PHEX: variants seen among roughly 807,000 people sequenced by gnomAD.
The protein encoded by PHEX is phosphate regulating endopeptidase X-linked, also known as phosphate-regulating neutral endopeptidase PHEX.
Under a neutral mutation model 68.0 loss-of-function variants are expected in PHEX, and 16 were observed. That is an observed-to-expected ratio of 0.24 (90% CI 0.16 to 0.36). PHEX has a LOEUF of 0.36. Among genes scored for constraint, PHEX ranks in the 10% least tolerant of loss-of-function variants. The probability of loss-of-function intolerance (pLI) is 1.00; values close to 1 mark genes in which losing one functional copy is unlikely to be tolerated. For synonymous variants in PHEX, 208 were observed against 205.1 expected, an observed-to-expected ratio of 1.01 and a Z score of -0.12; for missense variants, 480 against 575.5, an observed-to-expected ratio of 0.83 and a Z score of 1.70.
At chrX:22,178,419 T>C in intron 14 of PHEX, 43 bp downstream of exon 14, 2 of 794,891 alleles carry the variant, frequency 2.5e-6, no homozygotes, top group Non-Finnish European at 3.8e-6. Flanking sequence ...AATACATTGG[T>C]GAGAAGCGGA....
At chrX:22,111,627 T>G (rs898938427) in intron 10 of PHEX, 67 bp downstream of exon 10, 1 of 799,363 alleles carries the variant, frequency 1.3e-6, no homozygotes, top group Non-Finnish European at 1.9e-6. Context: ...GTCCATATAT[T>G]AACTGATCCA....
At chrX:22,233,522 T>C (rs1935845751) in intron 20 of PHEX, among the ~76,000 whole-genome samples, 1 of 111,441 alleles carries the variant, frequency 9.0e-6, no homozygotes, top group Non-Finnish European at 1.9e-5. Context: ...TCACTCCTTC[T>C]TCTCTAATCT....
In PHEX at chrX:22,249,453, A is replaced by ATATAT. The variant is rs1222771440; in HGVS notation, c.*1500_*1501insTATAT. 8 of 28,035 alleles carry ATATAT rather than the reference A, an allele frequency of 2.9e-4. No individual in the cohort carries two copies. In the South Asian group the frequency reaches 4.4e-3, roughly 15 times the overall value. 2.3% of individuals were successfully genotyped at this position (28,035 alleles called of 1,213,427 possible). On this transcript the variant is annotated 3_prime_UTR_variant, in exon 22 of 22. Transcript: ENST00000379374. The stretch of plus-strand genomic sequence containing the variant: ...ATTTGTGATTCTTTTAAAAAAAAAA[A>ATATAT]AAATATATATATATATATATATATA...
At position 22,133,643 on chromosome X, in the gene PHEX, G is replaced by C. The variant is rs1932111765; in HGVS notation, c.1404+19G>C. ...AGAAAAGGTAAGGATTCCTTTTGAT[G>C]AAAAAAAAATAAGACTTCTGGTTTA... On this transcript the variant is annotated intron_variant, in intron 12 of 21. Transcript: ENST00000379374. The C allele has an allele frequency of 2.8e-6, 3 of 1,080,985 alleles. No homozygotes were observed. Among genetic ancestry groups the C allele is most frequent in the Non-Finnish European group, 3.8e-6 (3 of 784,920 alleles). 89.1% of individuals were successfully genotyped at this position (1,080,985 alleles called of 1,213,427 possible). A position where few individuals can be genotyped will look rare whatever the true frequency, so the allele number is the denominator to read the frequency against.
At chrX:22,194,065 G>A (rs1281685150) in intron 15 of PHEX, among the ~76,000 whole-genome samples, 1 of 111,568 alleles carries the variant, frequency 9.0e-6, no homozygotes, top group Non-Finnish European at 1.9e-5. Context: ...CCATCTCCAG[G>A]GTTCACCCCT....
chrX:22,168,095 C>G (rs1286458158), intron 12 of PHEX, among the ~76,000 whole-genome samples: 1 of 111,268 alleles, frequency 9.0e-6, no homozygotes, highest in Non-Finnish European at 1.9e-5. Context: ...ATTTTGTTTA[C>G]ATTGTACTAG....
At chrX:22,102,823 C>T (rs1043980590) in intron 9 of PHEX, among the ~76,000 whole-genome samples, 5 of 112,090 alleles carry the variant, frequency 4.5e-5, no homozygotes, top group African/African-American at 1.6e-4. Context: ...AGGATCCCCC[C>T]ACCTCCTACC....
At chrX:22,072,097 G>A (rs995885062) in intron 3 of PHEX, among the ~76,000 whole-genome samples, 5 of 112,472 alleles carry the variant, frequency 4.4e-5, no homozygotes, top group East Asian at 5.6e-4. Flanking sequence ...GCATGGTGGC[G>A]CATGCCTGTA....
chrX:22,148,680 C>G (rs1460082360), intron 12 of PHEX, among the ~76,000 whole-genome samples: 1 of 111,376 alleles, frequency 9.0e-6, no homozygotes, highest in Non-Finnish European at 1.9e-5. Flanking sequence ...TTTCTACTCT[C>G]TGTTTCTATG....
intron 20 of PHEX, among the ~76,000 whole-genome samples, chrX:22,230,704 A>ACAAT (rs776181528): frequency 4.9e-4 from 54 of 111,045 alleles, no homozygotes; most frequent in East Asian, 8.5e-4. Context: ...TTCTTAATAT[A>ACAAT]CAATCATGTC....
intron 11 of PHEX, among the ~76,000 whole-genome samples, chrX:22,127,209 C>T (rs1931776056): frequency 2.7e-5 from 3 of 110,893 alleles, no homozygotes; most frequent in African/African-American, 9.8e-5. Flanking sequence ...CGTTGCTTTG[C>T]CTAGAGGGCT....
chrX:22,052,979 A>T (rs1009424115), intron 3 of PHEX, among the ~76,000 whole-genome samples: 1 of 111,323 alleles, frequency 9.0e-6, no homozygotes, highest in Non-Finnish European at 1.9e-5. Flanking sequence ...AAAAAAGGGG[A>T]AAAAAAGGAA....
At chrX:22,128,281 T>C (rs1931824989) in intron 11 of PHEX, among the ~76,000 whole-genome samples, 1 of 109,302 alleles carries the variant, frequency 9.1e-6, no homozygotes, top group Non-Finnish European at 1.9e-5. Context: ...CAGGCTGGTC[T>C]TGAACTCCAG....
At chrX:22,071,018 A>G (rs988736321) in intron 3 of PHEX, among the ~76,000 whole-genome samples, 1 of 112,015 alleles carries the variant, frequency 8.9e-6, no homozygotes, top group African/African-American at 3.2e-5. Flanking sequence ...TGAACTCTTG[A>G]CTAAGCATGG....
chrX:22,053,801 C>G (rs1392188082), intron 3 of PHEX, among the ~76,000 whole-genome samples: 1 of 112,185 alleles, frequency 8.9e-6, no homozygotes, highest in African/African-American at 3.2e-5. Flanking sequence ...AGCCCAGCTT[C>G]AGCAGAACAA....
chrX:22,180,492 ATGT>A (rs1462736362), intron 14 of PHEX, among the ~76,000 whole-genome samples: 3 of 111,218 alleles, frequency 2.7e-5, no homozygotes, highest in African/African-American at 6.6e-5. Flanking sequence ...TAAAAAAAAA[ATGT>A]TGTGGGTATG....
chrX:22,178,596 A>C (rs779920315), intron 14 of PHEX, among the ~76,000 whole-genome samples: 4 of 111,916 alleles, frequency 3.6e-5, no homozygotes, highest in Admixed American at 9.5e-5. Context: ...GCATCAACAC[A>C]TATCAAGAGA....
intron 6 of PHEX, among the ~76,000 whole-genome samples, chrX:22,092,526 C>A (rs1331452397): frequency 9.1e-6 from 1 of 109,609 alleles, no homozygotes; most frequent in East Asian, 2.9e-4. Flanking sequence ...GCATGCACCA[C>A]CATGCCGGGC....
intron 1 of PHEX, among the ~76,000 whole-genome samples, chrX:22,035,233 A>G (rs1926956250): frequency 9.0e-6 from 1 of 111,580 alleles, no homozygotes; most frequent in Admixed American, 9.6e-5. Context: ...AGTGATTGCC[A>G]GTGGTCTTGC....
Sources: gnomAD v4.1 joint callset for allele counts (sites outside exome capture counted in the v4.1 genomes callset) on GRCh38, gnomAD v4.1.1 for gene constraint, MANE v1.5 for transcripts, NCBI Gene and HGNC (gene_info 2026-07-23, HGNC 2026-07-21) for gene names.